CDK16: variants seen among roughly 807,000 people sequenced by gnomAD.
CDK16 encodes the protein cyclin-dependent kinase 16.
A neutral mutation model predicts 41.6 loss-of-function variants in CDK16; 2 were observed. That is an observed-to-expected ratio of 0.05 (90% CI 0.02 to 0.15). The LOEUF is 0.15. CDK16 is among the 10% of genes least tolerant of loss of function. The probability of loss-of-function intolerance (pLI) is 1.00; values close to 1 mark genes in which losing one functional copy is unlikely to be tolerated. For missense variants in CDK16, 228 were observed against 428.9 expected, an observed-to-expected ratio of 0.53 and a Z score of 4.14; for synonymous variants, 169 against 169.7, an observed-to-expected ratio of 1.00 and a Z score of 0.03.
At chrX:47,222,957 T>TCCCCCCCCCCCCCCCCCCC in intron 1 of CDK16, 1 of 244,984 alleles carries the variant, frequency 4.1e-6, no homozygotes, top group Non-Finnish European at 5.7e-6. Flanking sequence ...CACGCTCCCC[T>TCCCCCCCCCCCCCCCCCCC]CCCCCCCCCC....
At position 47,229,572 on chromosome X, in the gene CDK16, G is replaced by A. The variant is rs1322892345; in HGVS notation, c.*804G>A. On this transcript the variant is annotated 3_prime_UTR_variant, in exon 16 of 16. Coordinates refer to ENST00000357227, the MANE Select transcript of CDK16 (RefSeq NM_006201.5). ...GACTCTGGGAAATGGACAAGGTGGG[G>A]GGCCCCACTCTTTCTCTCCTGCAGT... is the stretch of plus-strand genomic sequence containing the variant. The A allele has an allele frequency of 4.5e-6, 1 of 220,730 alleles. No homozygotes were observed. The highest frequency in any genetic ancestry group is 3.0e-5 in the African/African-American group (1 of 33,251). The allele number at this position is 220,730 out of a possible 1,213,427, so 18.2% of individuals were successfully genotyped here.
chrX:47,220,723 G>C (rs1483256437), intron 1 of CDK16, among the ~76,000 whole-genome samples: 1 of 110,822 alleles, frequency 9.0e-6, no homozygotes, highest in Non-Finnish European at 1.9e-5. Context: ...TGTTAAGGAT[G>C]GTCGTAGCTG....
At position 47,224,885 on chromosome X, in the gene CDK16, G is replaced by A; in HGVS notation, c.514G>A (p.Gly172Ser). The A allele has an allele frequency of 8.3e-7, 1 of 1,211,318 alleles. No homozygotes were observed. Among genetic ancestry groups the A allele is most frequent in the African/African-American group, 1.7e-5 (1 of 57,648 alleles). The change falls in exon 5 of 16, where the codon GGC becomes AGC. Residue 172 changes from glycine to serine, a missense_variant. Gly to Ser is a moderately conservative substitution (Grantham distance 56, BLOSUM62 0). This residue lies in a region of CDK16 where 66 missense variants were observed against 197.2 expected (regional missense o/e 0.33). Transcript: ENST00000357227. ...LETYIKLDKL[G>S]EGTYATVYKG... ...GACCTACATTAAGCTGGACAAACTG[G>A]GCGAGGTGAGAGGCAAATAGGAGGC...
intron 1 of CDK16, among the ~76,000 whole-genome samples, chrX:47,222,661 G>T (rs1179036357): frequency 4.4e-5 from 4 of 91,152 alleles, no homozygotes; most frequent in Non-Finnish European, 8.8e-5. Context: ...GGGGGGGTGT[G>T]GGGGTGGGGG....
intron 1 of CDK16, chrX:47,222,863 TGAG>T: frequency 3.0e-6 from 1 of 337,103 alleles, no homozygotes; most frequent in South Asian, 3.8e-5. Context: ...CTGGCAGCCC[TGAG>T]AAGAGCTGGT....
rs1937558885 is a variant in CDK16 at position 47,226,821 on chromosome X, C to T, written c.1047C>T (p.Gly349=). 2 of 1,204,893 alleles carry T rather than the reference C, an allele frequency of 1.7e-6. No homozygotes were observed. The highest frequency in any genetic ancestry group is 1.7e-5 in the African/African-American group (1 of 57,465). ...TGCCCTCCCTGCCCAGGGGTGTGGG[C>T]TGCATCTTCTATGAGATGGCCACAG... is the stretch of plus-strand genomic sequence containing the variant. The part of the protein sequence containing the change: ...YSTQIDMWGV[G]CIFYEMATGR... Residue 349 remains glycine (G), a synonymous_variant, in exon 11 of 16, where the codon GGC becomes GGT. Coordinates refer to ENST00000357227, the MANE Select transcript of CDK16 (RefSeq NM_006201.5).
At chrX:47,219,266 T>C (rs1163615546) in intron 1 of CDK16, among the ~76,000 whole-genome samples, 161 bp downstream of exon 1, 1 of 111,207 alleles carries the variant, frequency 9.0e-6, no homozygotes, top group Non-Finnish European at 1.9e-5. Context: ...TCCCTGACCT[T>C]GGCCCCGCCC....
chrX:47,227,591 C>G (rs930674973), intron 14 of CDK16, 122 bp downstream of exon 14: 2 of 489,217 alleles, frequency 4.1e-6, no homozygotes, highest in Admixed American at 3.3e-5. Flanking sequence ...ACATCTTGTT[C>G]ACGTGTGTGA....
rs1032875211 is a variant in CDK16, at chrX:47,229,266, T to G, written c.*498T>G. 5.8e-5 allele frequency: 12 copies of G among 208,484 alleles called. No individual in the cohort carries two copies. The highest frequency in any genetic ancestry group is 2.1e-4 in the African/African-American group (7 of 32,980). The allele number at this position is 208,484 out of a possible 1,213,427, so 17.2% of individuals were successfully genotyped here. A position where few individuals can be genotyped will look rare whatever the true frequency, so the allele number is the denominator to read the frequency against. On this transcript the variant is annotated 3_prime_UTR_variant, in exon 16 of 16. Transcript: ENST00000357227. ...TTTTTTGTTTGTTTCATTCATTGTT[T>G]TTTTTTTTTTAATTATTTTAAATGA...
At position 47,224,975 on chromosome X, in the gene CDK16, C is replaced by T; in HGVS notation, c.520-13C>T. ...TCATAGCACCTCTCCTGTCACACTTCCTCACATTCCAGGGTACCTATGCCA... is the reference window on the plus strand; with the variant it reads ...TCATAGCACCTCTCCTGTCACACTTTCTCACATTCCAGGGTACCTATGCCA... On this transcript the variant is annotated splice_polypyrimidine_tract_variant and intron_variant, in intron 5 of 15. Coordinates refer to ENST00000357227, the MANE Select transcript of CDK16 (RefSeq NM_006201.5). 1 of 1,201,498 alleles carries T rather than the reference C, an allele frequency of 8.3e-7. No homozygotes were observed. Among genetic ancestry groups the T allele is most frequent in the Non-Finnish European group, 1.1e-6 (1 of 887,717 alleles).
chrX:47,218,761 C>T lies in CDK16; in HGVS notation c.-351C>T. On this transcript the variant is annotated 5_prime_UTR_variant, in exon 1 of 16. Transcript: ENST00000357227. ...CGGTTGGGCCGTTGGCTGTTCGGCC[C>T]TGGGATCCGCCGCCACTCCGCGATC... 1.7e-6 allele frequency: 2 copies of T among 1,157,453 alleles called. No homozygotes were observed. Among genetic ancestry groups the T allele is most frequent in the Non-Finnish European group, 2.3e-6 (2 of 870,635 alleles).
intron 14 of CDK16, 105 bp downstream of exon 14, chrX:47,227,574 TG>T (rs1265339788): frequency 7.6e-6 from 4 of 526,738 alleles, no homozygotes; most frequent in Non-Finnish European, 1.3e-5. Context: ...CACCTCTACG[TG>T]GGGGGACATC....
intron 2 of CDK16, 79 bp from the exon 3 acceptor site, chrX:47,224,306 G>A: frequency 9.5e-7 from 1 of 1,050,896 alleles, no homozygotes; most frequent in Non-Finnish European, 1.3e-6. Flanking sequence ...TGTGATGATG[G>A]AATATGTTTC....
At position 47,224,425 on chromosome X, in the gene CDK16, G is replaced by A. The variant is rs144332889; in HGVS notation, c.243G>A (p.Glu81=). 4.9e-4 allele frequency: 589 copies of A among 1,203,919 alleles called. No homozygotes were observed. The highest frequency in any genetic ancestry group is 6.5e-4 in the Non-Finnish European group (580 of 891,836). ...ACTTGAAGATGGGGTCTGATGGGGA[G>A]AGTGACCAGGCTTCAGCCACGTCCT... is the stretch of plus-strand genomic sequence containing the variant. The part of the protein sequence containing the change: ...HEDLKMGSDG[E]SDQASATSSD... Residue 81 remains glutamate (E), a synonymous_variant, in exon 3 of 16, where the codon GAG becomes GAA. Transcript: ENST00000357227.
In CDK16 at chrX:47,226,409, C is replaced by T. The variant is rs1937547229; in HGVS notation, c.916+7C>T. On this transcript the variant is annotated splice_region_variant and intron_variant, in intron 9 of 15. Transcript: ENST00000357227. ...CTCAAGCTGGCTGACTTTGGTACCACTGGCCTCCCCTTTCTTATTGGCTCC... is the reference window on the plus strand; with the variant it reads ...CTCAAGCTGGCTGACTTTGGTACCATTGGCCTCCCCTTTCTTATTGGCTCC... 2 of 1,208,037 alleles carry T rather than the reference C, an allele frequency of 1.7e-6. No individual in the cohort carries two copies.
intron 1 of CDK16, 168 bp from the exon 2 acceptor site, chrX:47,223,384 C>T: frequency 9.4e-7 from 1 of 1,064,350 alleles, no homozygotes. Context: ...AGATCCCCAT[C>T]CATGCTGGGT....
Position 47,219,113 on chromosome X carries a change from C to A in CDK16, c.-7+8C>A. The stretch of plus-strand genomic sequence containing the variant: ...GCTCGCGCGCCCCCGCCGGTGAGCG[C>A]GTCCCCGAGGCGTGGAGGCTGCCCC... On this transcript the variant is annotated splice_region_variant and intron_variant, in intron 1 of 15. Transcript: ENST00000357227. 1 of 813,441 alleles carries A rather than the reference C, an allele frequency of 1.2e-6. No homozygotes were observed. The allele number at this position is 813,441 out of a possible 1,213,427, so 67.0% of individuals were successfully genotyped here.
chrX:47,219,385 C>T (rs1351800253), intron 1 of CDK16, among the ~76,000 whole-genome samples: 3 of 106,229 alleles, frequency 2.8e-5, no homozygotes, highest in African/African-American at 1.0e-4. Context: ...GGGTGAAAGA[C>T]TTGGGGGGGT....
At chrX:47,222,008 C>T (rs1937355829) in intron 1 of CDK16, 1 of 112,055 alleles carries the variant, frequency 8.9e-6, no homozygotes, top group South Asian at 3.7e-4. Context: ...CAGGTCTTTC[C>T]CCCTCCTTGC....
Sources: gnomAD v4.1 joint callset for allele counts (sites outside exome capture counted in the v4.1 genomes callset) on GRCh38, gnomAD v4.1.1 for gene constraint, gnomAD v4.1.1 regional missense constraint, MANE v1.5 for transcripts, NCBI Gene and HGNC (gene_info 2026-07-23, HGNC 2026-07-21) for gene names.